The following PTCH2 variants were observed in gnomAD, a reference collection of about 807,000 sequenced individuals.
PTCH2 encodes protein patched homolog 2.
In PTCH2, 96 loss-of-function variants were observed where a neutral mutation model predicts 117.9. The ratio of observed to expected loss-of-function variants is 0.81; its 90% CI spans 0.69 to 0.96. The LOEUF is 0.96. Among genes scored for constraint, PTCH2 ranks in the 50% least tolerant of loss-of-function variants. PTCH2 has a pLI of 0.00. For missense variants in PTCH2, 1,379 were observed against 1,562.5 expected (o/e 0.88, Z 1.98); for synonymous variants, 615 against 660.9 (o/e 0.93, Z 1.06).
At chr1:44,820,554 C>A, downstream of PTCH2, 1 of 674,370 alleles carries the variant, frequency 1.5e-6, no homozygotes, top group Non-Finnish European at 2.8e-6. Context: ...GGGGTCACAT[C>A]AAGGGGAGGT....
chr1:44,822,334 A>T lies in PTCH2; in HGVS notation c.*81T>A. ...CAGCAGCAGGGCCCTCCAGGGGTCCATCCTGCGTCTAACACCAGACCCAGT... is the reference window on the plus strand; with the variant it reads ...CAGCAGCAGGGCCCTCCAGGGGTCCTTCCTGCGTCTAACACCAGACCCAGT... On this transcript the variant is annotated 3_prime_UTR_variant, in exon 22 of 22. Transcript: ENST00000372192. The T allele has an allele frequency of 6.2e-7, 1 of 1,605,992 alleles. No homozygotes were observed. Among genetic ancestry groups the T allele is most frequent in the Non-Finnish European group, 8.5e-7 (1 of 1,179,792 alleles).
Position 44,823,034 on chromosome 1 carries a change from T to A in PTCH2, c.3357+35A>T. ...CCTCTCCCTACCCCGTCCCTTGGGCTGGGAGTAGAGGGATGGTGCCGAGGG... is the reference window on the plus strand; with the variant it reads ...CCTCTCCCTACCCCGTCCCTTGGGCAGGGAGTAGAGGGATGGTGCCGAGGG... On this transcript the variant is annotated intron_variant, in intron 21 of 21. Transcript: ENST00000372192. This position sits in a 1 kb window ranked among gnomAD's most constrained non-coding sequence, Gnocchi z 5.1. 1 of 1,595,286 alleles carries A rather than the reference T, an allele frequency of 6.3e-7. No homozygotes were observed. Among genetic ancestry groups the A allele is most frequent in the South Asian group, 1.1e-5 (1 of 89,134 alleles).
chr1:44,834,501 C>T (rs1367935563), intron 2 of PTCH2, among the ~76,000 whole-genome samples: 5 of 152,228 alleles, frequency 3.3e-5, no homozygotes, highest in African/African-American at 7.2e-5. Context: ...AAGATTAGGC[C>T]GAAGGCTGCC....
rs773271602 is a variant in PTCH2, at chr1:44,827,692, C to A, written c.2081G>T (p.Gly694Val). The change falls in exon 15 of 22, where the codon GGT becomes GTT. Residue 694 changes from glycine to valine, a missense_variant. Coordinates refer to ENST00000372192, the MANE Select transcript of PTCH2 (RefSeq NM_003738.5). ...GTAGAGGCTCAGGCCCAGAAGAGCA[C>A]CAAAGAGCACCAGCACGATGGCCTG... Reference protein sequence around the residue: ...HAKAIVLVLFGALLGLSLYGA... With the variant: ...HAKAIVLVLFVALLGLSLYGA... The A allele has an allele frequency of 1.2e-6, 2 of 1,611,636 alleles. No homozygotes were observed. The highest frequency in any genetic ancestry group is 1.7e-6 in the Non-Finnish European group (2 of 1,180,002).
intron 1 of PTCH2, 89 bp from the exon 2 acceptor site, chr1:44,842,128 C>G: frequency 1.5e-6 from 2 of 1,308,702 alleles, no homozygotes; most frequent in Non-Finnish European, 2.2e-6. Context: ...GCTGCCCAGC[C>G]CTCGCTTCTT....
rs1198940996 is a variant in PTCH2, at chr1:44,823,455, G to A, written c.3115-70C>T. On this transcript the variant is annotated intron_variant, in intron 19 of 21. Coordinates refer to ENST00000372192, the MANE Select transcript of PTCH2 (RefSeq NM_003738.5). This position sits in a 1 kb window ranked among gnomAD's most constrained non-coding sequence, Gnocchi z 5.1. ...GGCCAGCTCAGCCATGTCCCGAGCT[G>A]TATCTGTCTTCAGAGCTCAACGATA... 6.2e-7 allele frequency: 1 copy of A among 1,607,042 alleles called. No homozygotes were observed. The highest frequency in any genetic ancestry group is 8.5e-7 in the Non-Finnish European group (1 of 1,175,114).
chr1:44,823,624 A>G lies in PTCH2; in HGVS notation c.3115-239T>C, dbSNP rs1653012487. Reference sequence around the variant, plus strand: ...TAGAAAATAGGGTACAGCCTGGGTGACAGAGTGAGACCCTGTCTCTTAAAA... The same window carrying G: ...TAGAAAATAGGGTACAGCCTGGGTGGCAGAGTGAGACCCTGTCTCTTAAAA... On this transcript the variant is annotated intron_variant, in intron 19 of 21. Coordinates refer to ENST00000372192, the MANE Select transcript of PTCH2 (RefSeq NM_003738.5). The surrounding 1 kb of genome is among the most constrained non-coding windows in gnomAD (Gnocchi z 5.1). Among the ~76,000 whole-genome samples the G allele has an allele frequency of 6.6e-6, 1 of 152,178 alleles. No individual in the cohort carries two copies. Among genetic ancestry groups the G allele is most frequent in the Admixed American group, 6.5e-5 (1 of 15,278 alleles).
Position 44,826,240 on chromosome 1 carries a change from C to T in PTCH2, c.3114+10G>A. On this transcript the variant is annotated intron_variant, in intron 19 of 21. Coordinates refer to ENST00000372192, the MANE Select transcript of PTCH2 (RefSeq NM_003738.5). The surrounding 1 kb of genome is among the most constrained non-coding windows in gnomAD (Gnocchi z 5.1). ...GCTGATTGGTCCCTCCCCGGGGTGC[C>T]CGTGCTCACCAGAGCCACGTGGACT... is the stretch of plus-strand genomic sequence containing the variant. 1 of 1,613,726 alleles carries T rather than the reference C, an allele frequency of 6.2e-7. No individual in the cohort carries two copies. Among genetic ancestry groups the T allele is most frequent in the South Asian group, 1.1e-5 (1 of 91,042 alleles).
At position 44,829,690 on chromosome 1, in the gene PTCH2, T is replaced by C. The variant is rs144193647; in HGVS notation, c.1007A>G (p.Tyr336Cys). The stretch of plus-strand genomic sequence containing the variant: ...ACTCCAGCCAATGTCATGTGTCTGA[T>C]AGTCACCCCGGAAATGCTCGTACAG... ...RQLYEHFRGD[Y>C]QTHDIGWSEE... Residue 336 changes from tyrosine to cysteine, a missense_variant, in exon 8 of 22, where the codon TAT becomes TGT. Coordinates refer to ENST00000372192, the MANE Select transcript of PTCH2 (RefSeq NM_003738.5). The C allele has an allele frequency of 1.1e-5, 18 of 1,614,092 alleles. No individual in the cohort carries two copies. Among genetic ancestry groups the C allele is most frequent in the African/African-American group, 4.0e-5 (3 of 74,922 alleles).
rs777389212 is a variant in PTCH2, at chr1:44,822,527, G to A, written c.3500C>T (p.Pro1167Leu). Residue 1167 changes from proline (P) to leucine (L), a missense_variant, in exon 22 of 22, where the codon CCC (proline) becomes CTC (leucine). Physicochemically the swap from Pro to Leu is moderately conservative, Grantham distance 98. Transcript: ENST00000372192. ...ATGGATGTAGGCACCAGGCAGGGGGGGTGGGTGGATGGCCACGGTCATGGA... is the reference window on the plus strand; with the variant it reads ...ATGGATGTAGGCACCAGGCAGGGGGAGTGGGTGGATGGCCACGGTCATGGA... Reference protein sequence around the residue: ...TTSMTVAIHPPPLPGAYIHPA... With the variant: ...TTSMTVAIHPLPLPGAYIHPA... The A allele has an allele frequency of 1.5e-5, 24 of 1,613,948 alleles. No homozygotes were observed. The highest frequency in any genetic ancestry group is 1.9e-5 in the Non-Finnish European group (23 of 1,179,970).
rs1653492158 is a variant in PTCH2, at chr1:44,832,291, C to T, written c.316G>A (p.Glu106Lys). The change falls in exon 3 of 22, where the codon GAG (glutamate) becomes AAG (lysine). Residue 106 changes from glutamate (E) to lysine (K), a missense_variant. Glu to Lys is a moderately conservative substitution (Grantham distance 56, BLOSUM62 1). Transcript: ENST00000372192. ...ATCTGAGAGGTGTATGCAGCCTCCT[C>T]CCCCAGCTTCTCCTTGGTGTAATGC... ...ELHYTKEKLG[E>K]EAAYTSQMLI... is the part of the protein sequence containing the mutation. 6.2e-7 allele frequency: 1 copy of T among 1,614,208 alleles called. No individual in the cohort carries two copies. The highest frequency in any genetic ancestry group is 8.5e-7 in the Non-Finnish European group (1 of 1,180,030).
intron 2 of PTCH2, among the ~76,000 whole-genome samples, chr1:44,838,529 C>T (rs574034976): frequency 1.1e-4 from 16 of 152,278 alleles, no homozygotes; most frequent in South Asian, 1.0e-3. Flanking sequence ...GCGTGAGCCA[C>T]CGTGCCAGGC....
rs7545808 is a variant in PTCH2 at position 44,823,737 on chromosome 1, C to G, written c.3115-352G>C. On this transcript the variant is annotated intron_variant, in intron 19 of 21. Coordinates refer to ENST00000372192, the MANE Select transcript of PTCH2 (RefSeq NM_003738.5). This position sits in a 1 kb window ranked among gnomAD's most constrained non-coding sequence, Gnocchi z 5.1. ...GTGGATCACCTGAGGTTGGGAGTTCCAGACCAGCCTGGGAAACATGGCAAA... is the reference window on the plus strand; with the variant it reads ...GTGGATCACCTGAGGTTGGGAGTTCGAGACCAGCCTGGGAAACATGGCAAA... 0.42 allele frequency among the ~76,000 whole-genome samples: 63,859 copies of G among 151,778 alleles called. 14,299 individuals are homozygous for G. Among genetic ancestry groups the G allele is most frequent in the African/African-American group, 0.58 (23,933 of 41,350 alleles).
chr1:44,822,984 C>T, intron 21 of PTCH2, 85 bp downstream of exon 21: 4 of 1,452,450 alleles, frequency 2.8e-6, no homozygotes, highest in Admixed American at 2.0e-5. Flanking sequence ...TGTCTGTGGG[C>T]CACAGGGCTC....
chr1:44,840,285 T>A (rs1483723127), intron 2 of PTCH2, among the ~76,000 whole-genome samples: 4 of 151,348 alleles, frequency 2.6e-5, no homozygotes, highest in Non-Finnish European at 4.4e-5. Context: ...GTATTTTTAG[T>A]AGAGATGGGG....
At chr1:44,827,115 C>G (rs2148874870) in intron 16 of PTCH2, 33 bp from the exon 17 acceptor site, 1 of 1,613,936 alleles carries the variant, frequency 6.2e-7, no homozygotes, top group Non-Finnish European at 8.5e-7. Flanking sequence ...AGGCCTGGGC[C>G]CAGGAGGCCT....
chr1:44,822,727 T>C, intron 21 of PTCH2, 58 bp from the exon 22 acceptor site: 1 of 1,540,336 alleles, frequency 6.5e-7, no homozygotes, highest in Non-Finnish European at 9.0e-7. Flanking sequence ...CCGTCCCCTT[T>C]AGCATCTCGC....
rs924268501 is a variant in PTCH2 at position 44,831,049 on chromosome 1, G to T, written c.618-6C>A. ...ACTGGATATCCGGGCGGCCGCTGAG[G>T]GAAAAGCCTATAGTTGGTGAGGGTC... On this transcript the variant is annotated splice_polypyrimidine_tract_variant and splice_region_variant and intron_variant, in intron 5 of 21. Coordinates refer to ENST00000372192, the MANE Select transcript of PTCH2 (RefSeq NM_003738.5). This position sits in a 1 kb window ranked among gnomAD's most constrained non-coding sequence, Gnocchi z 4.3. 2.5e-6 allele frequency: 4 copies of T among 1,610,428 alleles called. No homozygotes were observed. In the Admixed American group the frequency reaches 5.0e-5, roughly 20 times the overall value.
At chr1:44,835,276 C>T (rs934005529) in intron 2 of PTCH2, among the ~76,000 whole-genome samples, 11 of 151,994 alleles carry the variant, frequency 7.2e-5, no homozygotes, top group African/African-American at 2.2e-4. Flanking sequence ...AGGCTGGTCT[C>T]GAACTCCTGG....
Sources: gnomAD v4.1 joint callset for allele counts (sites outside exome capture counted in the v4.1 genomes callset) on GRCh38, gnomAD v4.1.1 for gene constraint, Gnocchi (gnomAD v3.1) non-coding constraint, MANE v1.5 for transcripts, NCBI Gene and HGNC (gene_info 2026-07-23, HGNC 2026-07-21) for gene names.